IL1RAPL2: variants seen among roughly 807,000 people sequenced by gnomAD.
IL1RAPL2 encodes X-linked interleukin-1 receptor accessory protein-like 2.
IL1RAPL2 carries 3 observed loss-of-function variants against 44.1 expected under a neutral mutation model. That is an observed-to-expected ratio of 0.07 (90% CI 0.03 to 0.18). The LOEUF is 0.18. IL1RAPL2 is among the 10% of genes least tolerant of loss of function. The probability of loss-of-function intolerance (pLI) is 1.00; values close to 1 mark genes in which losing one functional copy is unlikely to be tolerated. For synonymous variants in IL1RAPL2, 181 were observed against 178.8 expected (o/e 1.01, Z -0.10); for missense variants, 391 against 496.4 (o/e 0.79, Z 2.02).
intron 6 of IL1RAPL2, among the ~76,000 whole-genome samples, chrX:105,629,802 T>C (rs1230760775): frequency 8.9e-6 from 1 of 111,787 alleles, no homozygotes; most frequent in Non-Finnish European, 1.9e-5. Context: ...AAATGCTAGA[T>C]AATGCCCAAA....
intron 6 of IL1RAPL2, among the ~76,000 whole-genome samples, chrX:105,589,408 T>A (rs967569677): frequency 7.2e-5 from 8 of 111,511 alleles, no homozygotes; most frequent in African/African-American, 2.6e-4. Context: ...ACTTGTCAAT[T>A]TTTGTTTTTG....
chrX:105,032,499 G>A (rs193078067), intron 2 of IL1RAPL2, among the ~76,000 whole-genome samples: 17 of 111,312 alleles, frequency 1.5e-4, no homozygotes, highest in South Asian at 1.2e-3. Flanking sequence ...TATTCATTCC[G>A]GAGCAGGTTG....
intron 6 of IL1RAPL2, among the ~76,000 whole-genome samples, chrX:105,657,675 C>T (rs1367211401): frequency 8.9e-6 from 1 of 112,144 alleles, no homozygotes; most frequent in African/African-American, 3.2e-5. Context: ...AGTGCAATGG[C>T]ACGATCTTGG....
intron 2 of IL1RAPL2, among the ~76,000 whole-genome samples, chrX:104,850,743 A>G (rs1438878941): frequency 9.0e-6 from 1 of 111,637 alleles, no homozygotes; most frequent in East Asian, 2.8e-4. Flanking sequence ...AGAAATGAGT[A>G]TATTTTAATA....
chrX:105,498,329 A>G (rs946381932), intron 6 of IL1RAPL2, among the ~76,000 whole-genome samples: 7 of 112,048 alleles, frequency 6.2e-5, no homozygotes, highest in Non-Finnish European at 1.1e-4. Context: ...TTAGGAATAA[A>G]CTTAACTAAG....
At chrX:104,640,653 G>A (rs1384143699) in intron 1 of IL1RAPL2, among the ~76,000 whole-genome samples, 1 of 111,953 alleles carries the variant, frequency 8.9e-6, no homozygotes, top group Non-Finnish European at 1.9e-5. Context: ...TCATAGGGGA[G>A]TACTTTTTCC....
intron 2 of IL1RAPL2, among the ~76,000 whole-genome samples, chrX:104,746,395 C>T (rs1033565180): frequency 1.8e-5 from 2 of 111,658 alleles, no homozygotes; most frequent in Admixed American, 1.9e-4. Context: ...ATCTGATAAC[C>T]TAAGAATCTA....
intron 6 of IL1RAPL2, among the ~76,000 whole-genome samples, chrX:105,540,854 T>TTATATATGATATATAATACATACA (rs2036721464): frequency 4.2e-5 from 4 of 94,464 alleles, no homozygotes; most frequent in African/African-American, 1.8e-4. Flanking sequence ...CATACATATA[T>TTATATATGATATATAATACATACA]TATATATGAT....
chrX:105,041,935 T>C (rs2031749818), intron 2 of IL1RAPL2, among the ~76,000 whole-genome samples: 3 of 110,820 alleles, frequency 2.7e-5, no homozygotes, highest in Admixed American at 1.9e-4. Context: ...TATCTACAAT[T>C]ATCTGATCTT....
At chrX:104,588,934 ATTGG>A (rs1477396473) in intron 1 of IL1RAPL2, among the ~76,000 whole-genome samples, 1 of 111,867 alleles carries the variant, frequency 8.9e-6, no homozygotes, top group African/African-American at 3.2e-5. Flanking sequence ...AATAGAAAAG[ATTGG>A]TTGTTTAGTT....
intron 1 of IL1RAPL2, among the ~76,000 whole-genome samples, chrX:104,611,653 C>T (rs1929161499): frequency 9.2e-6 from 1 of 108,871 alleles, no homozygotes; most frequent in Admixed American, 9.9e-5. Context: ...CTGGCTAACA[C>T]GGTGAAACCC....
At chrX:105,020,295 C>A (rs1257633138) in intron 2 of IL1RAPL2, among the ~76,000 whole-genome samples, 2 of 111,325 alleles carry the variant, frequency 1.8e-5, no homozygotes, top group African/African-American at 6.5e-5. Context: ...TAGGCAGTGT[C>A]TTAACCTCGT....
intron 2 of IL1RAPL2, among the ~76,000 whole-genome samples, chrX:104,810,503 C>A (rs1453114162): frequency 2.7e-5 from 3 of 111,201 alleles, no homozygotes; most frequent in Non-Finnish European, 5.7e-5. Context: ...AGTGTATAAT[C>A]CACCAGATTT....
intron 6 of IL1RAPL2, among the ~76,000 whole-genome samples, chrX:105,641,976 A>G (rs1346862783): frequency 1.8e-5 from 2 of 111,247 alleles, no homozygotes; most frequent in Middle Eastern, 4.6e-3. Flanking sequence ...CTTTTTGAGT[A>G]TTGTCCCTTT....
At chrX:105,452,439 C>T (rs1232181377) in intron 5 of IL1RAPL2, among the ~76,000 whole-genome samples, 1 of 111,546 alleles carries the variant, frequency 9.0e-6, no homozygotes, top group Non-Finnish European at 1.9e-5. Flanking sequence ...TTTAGGAACA[C>T]TGCCTATGGA....
At chrX:104,964,139 C>T (rs757170233) in intron 2 of IL1RAPL2, among the ~76,000 whole-genome samples, 3 of 110,410 alleles carry the variant, frequency 2.7e-5, no homozygotes, top group African/African-American at 9.9e-5. Context: ...CATTTATATT[C>T]ATTTATTTCA....
chrX:105,632,729 C>T (rs1482894577), intron 6 of IL1RAPL2, among the ~76,000 whole-genome samples: 1 of 111,509 alleles, frequency 9.0e-6, no homozygotes, highest in Non-Finnish European at 1.9e-5. Flanking sequence ...TGTACTTTCA[C>T]TGAGGCCATA....
chrX:105,075,906 C>T (rs774006032), intron 2 of IL1RAPL2, among the ~76,000 whole-genome samples: 27 of 111,358 alleles, frequency 2.4e-4, no homozygotes, highest in African/African-American at 8.5e-4. Context: ...TGTCATTTTT[C>T]ATCGTGTCTA....
intron 6 of IL1RAPL2, among the ~76,000 whole-genome samples, chrX:105,535,884 A>T (rs188556125): frequency 1.1e-4 from 12 of 111,414 alleles, no homozygotes; most frequent in African/African-American, 3.9e-4. Context: ...TTTATGTGTT[A>T]AAATTCATAC....
Sources: allele counts gnomAD v4.1 joint callset (sites outside exome capture counted in the v4.1 genomes callset), GRCh38; gene constraint gnomAD v4.1.1; transcripts MANE v1.5; gene names NCBI Gene and HGNC (gene_info 2026-07-23, HGNC 2026-07-21).